The following PACRG variants were observed in gnomAD, a reference collection of about 807,000 sequenced individuals.
PACRG encodes the protein parkin coregulated gene protein.
A neutral mutation model predicts 29.7 loss-of-function variants in PACRG; 29 were observed. The ratio of observed to expected loss-of-function variants is 0.98; its 90% CI spans 0.73 to 1.33. The LOEUF (loss-of-function observed/expected upper bound fraction) is 1.33. PACRG is among the 40% of genes most tolerant of loss of function. The probability of loss-of-function intolerance (pLI) is 0.00; values close to 1 mark genes in which losing one functional copy is unlikely to be tolerated. For synonymous variants in PACRG, 116 were observed against 118.7 expected (o/e 0.98, Z 0.15); for missense variants, 279 against 316.2 (o/e 0.88, Z 0.89).
intron 4 of PACRG, among the ~76,000 whole-genome samples, chr6:163,304,483 C>G (rs35073930): frequency 2.6e-5 from 4 of 152,230 alleles, no homozygotes; most frequent in African/African-American, 7.2e-5. Flanking sequence ...CCTTTCCCCC[C>G]ACGAGGTGGT....
At chr6:162,787,582 G>GTGTATCTATATA (rs1198197561) in intron 1 of PACRG, among the ~76,000 whole-genome samples, 1 of 62,418 alleles carries the variant, frequency 1.6e-5, no homozygotes, top group Admixed American at 1.9e-4. Flanking sequence ...GTGTGTGTGT[G>GTGTATCTATATA]TATATATATA....
At chr6:162,968,216 A>G (rs1801213037) in intron 2 of PACRG, among the ~76,000 whole-genome samples, 2 of 152,226 alleles carry the variant, frequency 1.3e-5, no homozygotes, top group Admixed American at 1.3e-4. Context: ...TTGGGTCTCT[A>G]TCACTACTCC....
At chr6:163,212,781 ATC>A (rs1781203462) in intron 4 of PACRG, among the ~76,000 whole-genome samples, 1 of 142,354 alleles carries the variant, frequency 7.0e-6, no homozygotes, top group African/African-American at 2.7e-5. Flanking sequence ...GAAACTGATA[ATC>A]TTTTTTTTTT....
chr6:163,305,371 T>C (rs1785159389), intron 4 of PACRG, among the ~76,000 whole-genome samples: 1 of 152,216 alleles, frequency 6.6e-6, no homozygotes, highest in Non-Finnish European at 1.5e-5. Context: ...ACCTTCTCAC[T>C]CTATTCCTGC....
At chr6:163,158,042 T>C (rs950125855) in intron 4 of PACRG, among the ~76,000 whole-genome samples, 1 of 152,176 alleles carries the variant, frequency 6.6e-6, no homozygotes, top group Non-Finnish European at 1.5e-5. Context: ...TGTAGACCCT[T>C]ATGGATAACA....
chr6:162,797,771 T>C (rs932622132), intron 1 of PACRG, among the ~76,000 whole-genome samples: 15 of 152,210 alleles, frequency 9.9e-5, no homozygotes, highest in Admixed American at 5.2e-4. Flanking sequence ...GTCCTTTCTC[T>C]CCTCTTTGTA....
At chr6:162,865,553 A>C (rs1203781876) in intron 2 of PACRG, among the ~76,000 whole-genome samples, 1 of 152,200 alleles carries the variant, frequency 6.6e-6, no homozygotes, top group African/African-American at 2.4e-5. Flanking sequence ...GTAGCTATTC[A>C]GATTTATAAT....
chr6:163,292,682 C>T (rs1202839298), intron 4 of PACRG, among the ~76,000 whole-genome samples: 4 of 152,134 alleles, frequency 2.6e-5, no homozygotes, highest in Non-Finnish European at 5.9e-5. Flanking sequence ...CCTTGGCCTC[C>T]CAGAGTGCTG....
At chr6:163,296,667 G>A (rs1340740885) in intron 4 of PACRG, among the ~76,000 whole-genome samples, 1 of 152,208 alleles carries the variant, frequency 6.6e-6, no homozygotes, top group African/African-American at 2.4e-5. Context: ...TTCATAAAGG[G>A]TTTCCTGACA....
chr6:163,157,291 G>T (rs1778365448), intron 4 of PACRG, among the ~76,000 whole-genome samples: 2 of 152,132 alleles, frequency 1.3e-5, no homozygotes, highest in African/African-American at 4.8e-5. Flanking sequence ...TCTGCTCTTT[G>T]ACCTTGAGTG....
intron 2 of PACRG, among the ~76,000 whole-genome samples, chr6:162,832,587 T>C (rs189661825): frequency 4.1e-3 from 619 of 152,288 alleles, no homozygotes; most frequent in Non-Finnish European, 6.4e-3. Context: ...ACATCTATTA[T>C]ATTCTTTAGC....
intron 4 of PACRG, among the ~76,000 whole-genome samples, chr6:163,193,266 C>T (rs1368631586): frequency 6.6e-6 from 1 of 152,088 alleles, no homozygotes; most frequent in Admixed American, 6.6e-5. Flanking sequence ...TAATCATTTC[C>T]ATAAGGCTTC....
chr6:163,269,984 AAAG>A (rs1783756842), intron 4 of PACRG, among the ~76,000 whole-genome samples: 1 of 115,408 alleles, frequency 8.7e-6, no homozygotes, highest in African/African-American at 3.3e-5. Flanking sequence ...AGAAAGAAAG[AAAG>A]AAAGAAAGAA....
intron 2 of PACRG, among the ~76,000 whole-genome samples, chr6:162,924,772 A>G (rs1022941725): frequency 6.6e-6 from 1 of 152,150 alleles, no homozygotes; most frequent in Non-Finnish European, 1.5e-5. Flanking sequence ...AGCAAGAGCA[A>G]ACAAATCCAA....
At chr6:162,954,403 C>T (rs975793876) in intron 2 of PACRG, among the ~76,000 whole-genome samples, 8 of 149,312 alleles carry the variant, frequency 5.4e-5, no homozygotes, top group African/African-American at 2.0e-4. Context: ...CTTAGACTTA[C>T]AGACTAGAAA....
rs560709448 is a variant in PACRG at position 162,874,776 on chromosome 6, G to A, written c.291+60495G>A. ...CACTTACATATACATTCACACACTC[G>A]CACACACTTATTCCCACATCACACA... On this transcript the variant is annotated intron_variant, in intron 2 of 4. Transcript: ENST00000366888. 1.5e-4 allele frequency among the ~76,000 whole-genome samples: 22 copies of A among 150,800 alleles called. No homozygotes were observed. In the South Asian group the frequency reaches 4.2e-3, roughly 29 times the overall value.
At position 162,836,803 on chromosome 6, in the gene PACRG, A is replaced by G. The variant is rs188335342; in HGVS notation, c.291+22522A>G. ...AGATTATCATGAATATTAGGAAGAA[A>G]ACCAGATAAATTCTAAACCATTTTT... On this transcript the variant is annotated intron_variant, in intron 2 of 4. Coordinates refer to ENST00000366888, the MANE Select transcript of PACRG (RefSeq NM_001080379.2). Among the ~76,000 whole-genome samples the G allele has an allele frequency of 2.7e-3, 407 of 152,278 alleles. 2 individuals carry two copies. The highest frequency in any genetic ancestry group is 9.0e-3 in the African/African-American group (375 of 41,554).
At chr6:162,958,418 G>C (rs536155025) in intron 2 of PACRG, among the ~76,000 whole-genome samples, 1 of 152,122 alleles carries the variant, frequency 6.6e-6, no homozygotes, top group South Asian at 2.1e-4. Flanking sequence ...TCTTGAAACT[G>C]AGATTCCCAA....
intron 2 of PACRG, among the ~76,000 whole-genome samples, chr6:162,959,425 A>G (rs1255621608): frequency 6.6e-6 from 1 of 152,036 alleles, no homozygotes; most frequent in African/African-American, 2.4e-5. Flanking sequence ...CCTGCCGTGC[A>G]TGGAGGGGTG....
Sources: gnomAD v4.1 joint callset for allele counts (sites outside exome capture counted in the v4.1 genomes callset) on GRCh38, gnomAD v4.1.1 for gene constraint, MANE v1.5 for transcripts, NCBI Gene and HGNC (gene_info 2026-07-23, HGNC 2026-07-21) for gene names.